CFAP77: variants seen among roughly 807,000 people sequenced by gnomAD.
The protein encoded by CFAP77 is cilia and flagella associated protein 77.
In CFAP77, 25 loss-of-function variants were observed where a neutral mutation model predicts 31.1. The observed-to-expected ratio is 0.80, with a 90% CI of 0.59 to 1.12. CFAP77 has a LOEUF of 1.12. Among genes scored for constraint, CFAP77 ranks in the 50% most tolerant of loss-of-function variants. The pLI is 0.00. For synonymous variants in CFAP77, 151 were observed against 159.9 expected, an observed-to-expected ratio of 0.94 and a Z score of 0.42; for missense variants, 377 against 397.3, an observed-to-expected ratio of 0.95 and a Z score of 0.44.
intron 5 of CFAP77, among the ~76,000 whole-genome samples, chr9:132,561,973 C>G (rs1372809477): frequency 6.6e-6 from 1 of 152,222 alleles, no homozygotes; most frequent in Non-Finnish European, 1.5e-5. Flanking sequence ...CCAGGTAGAG[C>G]CTCTGCGTCT....
rs551062988 is a variant in CFAP77 at position 132,415,720 on chromosome 9, T to G, written c.195+5254T>G. On this transcript the variant is annotated intron_variant, in intron 1 of 5. Transcript: ENST00000393216. Reference sequence around the variant, plus strand: ...GCGTTGCTCACTGTATAATTCTGCCTGCTTGTTCCTTATTTTGAAAGACAA... The same window carrying G: ...GCGTTGCTCACTGTATAATTCTGCCGGCTTGTTCCTTATTTTGAAAGACAA... Among the ~76,000 whole-genome samples the G allele has an allele frequency of 2.6e-5, 4 of 152,270 alleles. No individual in the cohort carries two copies. The South Asian group carries it at 8.3e-4, about 32-fold the overall frequency.
chr9:132,457,806 C>T lies in CFAP77; in HGVS notation c.196-40889C>T, dbSNP rs1242369598. On this transcript the variant is annotated intron_variant, in intron 1 of 5. Transcript: ENST00000393216. ...CAGAGAGAGAAAGGGAAGGGAGACG[C>T]GAAGGCGGGGAAGGAGCATAAAGAC... Among the ~76,000 whole-genome samples, 9 of 152,232 alleles carry T rather than the reference C, an allele frequency of 5.9e-5. 1 individual carries two copies.
rs879734634 is a variant in CFAP77 at position 132,532,114 on chromosome 9, CAAAG to C, written c.525-5484_525-5481del. On this transcript the variant is annotated intron_variant, in intron 3 of 5. Transcript: ENST00000393216. ...CCGCAGGGGTAAAAGAACTGGAAAA[CAAAG>C]AACCACCGTTTGTAGCAGCACCACA... Among the ~76,000 whole-genome samples, 4 of 150,346 alleles carry C rather than the reference CAAAG, an allele frequency of 2.7e-5. No individual in the cohort carries two copies. In the East Asian group the frequency reaches 5.8e-4, roughly 22 times the overall value.
chr9:132,520,707 C>T (rs1465607126), intron 3 of CFAP77, among the ~76,000 whole-genome samples: 1 of 152,210 alleles, frequency 6.6e-6, no homozygotes, highest in Non-Finnish European at 1.5e-5. Context: ...AGTGCCTTCC[C>T]CTGCCTCCAG....
rs113119675 is a variant in CFAP77 at position 132,552,061 on chromosome 9, C to T, written c.732+9014C>T. 9.1e-3 allele frequency among the ~76,000 whole-genome samples: 1,392 copies of T among 152,334 alleles called. 17 individuals carry two copies. The highest frequency in any genetic ancestry group is 0.032 in the African/African-American group (1,332 of 41,586). On this transcript the variant is annotated intron_variant, in intron 5 of 5. Transcript: ENST00000393216. This position sits in a 1 kb window ranked among gnomAD's most constrained non-coding sequence, Gnocchi z 5.5. ...GCCCCAAGGCTAAAAAGGAAAGAGG[C>T]GGCTGATCCCGGATTCAGGCTTACT...
At chr9:132,457,259 C>T (rs566578556) in intron 1 of CFAP77, among the ~76,000 whole-genome samples, 29 of 132,282 alleles carry the variant, frequency 2.2e-4, no homozygotes, top group African/African-American at 7.8e-4. Context: ...CCGCCACACT[C>T]AGAGCCCTAG....
At chr9:132,458,357 G>GGGGGGTGGGGT (rs139008147) in intron 1 of CFAP77, among the ~76,000 whole-genome samples, 524 of 118,642 alleles carry the variant, frequency 4.4e-3, no homozygotes, top group East Asian at 0.011. Flanking sequence ...GAGGGGGGGG[G>GGGGGGTGGGGT]GTGTGTATGG....
Position 132,557,992 on chromosome 9 carries a change from C to T in CFAP77, c.733-14396C>T, listed in dbSNP as rs75249252. Among the ~76,000 whole-genome samples the T allele has an allele frequency of 7.6e-3, 1,161 of 152,310 alleles. 18 individuals carry two copies. The highest frequency in any genetic ancestry group is 0.026 in the African/African-American group (1,094 of 41,548). On this transcript the variant is annotated intron_variant, in intron 5 of 5. Coordinates refer to ENST00000393216, the MANE Select transcript of CFAP77 (RefSeq NM_001282957.2). Reference sequence around the variant, plus strand: ...GCACTCCACCTCCCTCCCGTGCCCACGGCAGACCTTACTAATCAATCGTTG... The same window carrying T: ...GCACTCCACCTCCCTCCCGTGCCCATGGCAGACCTTACTAATCAATCGTTG...
chr9:132,450,088 G>A (rs1351971541), intron 1 of CFAP77, among the ~76,000 whole-genome samples: 3 of 152,000 alleles, frequency 2.0e-5, no homozygotes, highest in Admixed American at 6.6e-5. Context: ...CCGCCACCAC[G>A]CCCGGCTAAT....
chr9:132,488,990 T>G (rs1050222753), intron 1 of CFAP77, among the ~76,000 whole-genome samples: 4 of 152,172 alleles, frequency 2.6e-5, no homozygotes, highest in African/African-American at 4.8e-5. Context: ...CCAAGCCACT[T>G]TGTGATGGAG....
rs111375926 is a variant in CFAP77, at chr9:132,425,470, A to C, written c.195+15004A>C. Among the ~76,000 whole-genome samples, 287 of 152,144 alleles carry C rather than the reference A, an allele frequency of 1.9e-3. 1 individual carries two copies. The highest frequency in any genetic ancestry group is 6.2e-3 in the African/African-American group (258 of 41,494). ...TTACAGTATTTAAATGACTATGGTA[A>C]TCAATCTAGGGACCCCGAGCTGAGA... On this transcript the variant is annotated intron_variant, in intron 1 of 5. Coordinates refer to ENST00000393216, the MANE Select transcript of CFAP77 (RefSeq NM_001282957.2).
At chr9:132,457,370 A>C (rs1850938020) in intron 1 of CFAP77, among the ~76,000 whole-genome samples, 1 of 152,226 alleles carries the variant, frequency 6.6e-6, no homozygotes, top group Admixed American at 6.5e-5. Context: ...CTCTGATAAA[A>C]GTGCAGCGAG....
In CFAP77 at chr9:132,498,888, C is replaced by A; in HGVS notation, c.295+94C>A. On this transcript the variant is annotated intron_variant, in intron 2 of 5. Transcript: ENST00000393216. The surrounding 1 kb of genome is among the most constrained non-coding windows in gnomAD (Gnocchi z 4.2). ...CTTGACCTAGCTCGCTGCTTGGCAG[C>A]TGGTTGGGTGCTGGAGAAAGACCCA... 1.1e-6 allele frequency: 1 copy of A among 902,668 alleles called. No individual in the cohort carries two copies. The allele number at this position is 902,668 out of a possible 1,614,324, so 55.9% of individuals were successfully genotyped here. A position where few individuals can be genotyped will look rare whatever the true frequency, so the allele number is the denominator to read the frequency against.
intron 3 of CFAP77, among the ~76,000 whole-genome samples, chr9:132,525,112 C>G (rs1182816438): frequency 4.0e-5 from 6 of 149,346 alleles, no homozygotes; most frequent in East Asian, 4.0e-4. Flanking sequence ...CTCCGCTTCC[C>G]GAGTTCAAGC....
intron 1 of CFAP77, among the ~76,000 whole-genome samples, chr9:132,432,928 A>C (rs1201793024): frequency 2.0e-5 from 3 of 151,910 alleles, no homozygotes; most frequent in Non-Finnish European, 4.4e-5. Context: ...GTTAGCCAGG[A>C]TGGTCTTGAT....
At chr9:132,458,608 G>A (rs1476307274) in intron 1 of CFAP77, among the ~76,000 whole-genome samples, 1 of 152,174 alleles carries the variant, frequency 6.6e-6, no homozygotes. Context: ...AGCACTGTCC[G>A]GTGGAACTTT....
At chr9:132,421,239 G>A (rs1417396186) in intron 1 of CFAP77, among the ~76,000 whole-genome samples, 3 of 151,940 alleles carry the variant, frequency 2.0e-5, no homozygotes, top group African/African-American at 4.8e-5. Context: ...TGATCCGCCC[G>A]GCTTGGCCTC....
At chr9:132,540,794 C>T (rs533812817) in intron 4 of CFAP77, among the ~76,000 whole-genome samples, 1 of 152,214 alleles carries the variant, frequency 6.6e-6, no homozygotes, top group East Asian at 1.9e-4. Flanking sequence ...TTTTGGGGGG[C>T]ACCTCTCGAA....
chr9:132,498,709 G>T lies in CFAP77; in HGVS notation c.210G>T (p.Lys70Asn). The T allele has an allele frequency of 1.2e-6, 2 of 1,611,592 alleles. No individual in the cohort carries two copies. The highest frequency in any genetic ancestry group is 1.7e-6 in the Non-Finnish European group (2 of 1,178,750). The change falls in exon 2 of 6, where the codon AAG (lysine) becomes AAT (asparagine). Residue 70 changes from lysine (K) to asparagine (N), a missense_variant. Lys to Asn is a moderately conservative substitution (Grantham distance 94). Transcript: ENST00000393216. This position sits in a 1 kb window ranked among gnomAD's most constrained non-coding sequence, Gnocchi z 4.2. ...TCCCCCGACAGGCTGAACTCGGCAA[G>T]CCCCGGGAAAGAAGCTACAGTCTGC... ...NPLIVKAELGKPRERSYSLPG... is the reference protein window; with the variant it reads ...NPLIVKAELGNPRERSYSLPG...
Sources: gnomAD v4.1 joint callset for allele counts (sites outside exome capture counted in the v4.1 genomes callset) on GRCh38, gnomAD v4.1.1 for gene constraint, Gnocchi (gnomAD v3.1) non-coding constraint, MANE v1.5 for transcripts, NCBI Gene and HGNC (gene_info 2026-07-23, HGNC 2026-07-21) for gene names.